Variants in TBC1D32 observed in about 807,000 individuals in gnomAD.
TBC1D32 encodes protein broad-minded.
In TBC1D32, 151 loss-of-function variants were observed where a neutral mutation model predicts 170.3. That is an observed-to-expected ratio of 0.89 (90% CI 0.78 to 1.01). The LOEUF (loss-of-function observed/expected upper bound fraction) is 1.01. TBC1D32 is among the 50% of genes least tolerant of loss of function. The pLI is 0.00. For synonymous variants in TBC1D32, 498 were observed against 488.0 expected (o/e 1.02, Z -0.27); for missense variants, 1,464 against 1,457.1 (o/e 1.00, Z -0.08).
chr6:121,275,281 G>T (rs931819489), intron 15 of TBC1D32, among the ~76,000 whole-genome samples: 3 of 152,058 alleles, frequency 2.0e-5, no homozygotes, highest in Non-Finnish European at 4.4e-5. Flanking sequence ...AAACACTAAA[G>T]AAAACATCAA....
chr6:121,278,845 A>G (rs1217731460), intron 15 of TBC1D32, among the ~76,000 whole-genome samples: 1 of 152,042 alleles, frequency 6.6e-6, no homozygotes, highest in Non-Finnish European at 1.5e-5. Flanking sequence ...AAAAATAGCT[A>G]GCTTCTTTGC....
At chr6:121,321,568 C>T (rs1206752355) in intron 2 of TBC1D32, 65 bp downstream of exon 2, 4 of 1,462,770 alleles carry the variant, frequency 2.7e-6, no homozygotes, top group African/African-American at 1.4e-5. Flanking sequence ...GGACAGAGAT[C>T]AGGGTGCTGT....
intron 30 of TBC1D32, among the ~76,000 whole-genome samples, chr6:121,100,827 G>C (rs1394980956): frequency 6.6e-6 from 1 of 151,934 alleles, no homozygotes; most frequent in East Asian, 1.9e-4. Flanking sequence ...CAACAAGATT[G>C]ATAGACTGCT....
At chr6:121,268,548 G>C (rs1432010200) in intron 15 of TBC1D32, among the ~76,000 whole-genome samples, 1 of 152,144 alleles carries the variant, frequency 6.6e-6, no homozygotes, top group Non-Finnish European at 1.5e-5. Flanking sequence ...TACGCAAGAA[G>C]AGAAGTTTAG....
At position 121,313,105 on chromosome 6, in the gene TBC1D32, G is replaced by GGTGT. The variant is rs71018125; in HGVS notation, c.496-2262_496-2259dup. Among the ~76,000 whole-genome samples, 651 of 111,220 alleles carry GGTGT rather than the reference G, an allele frequency of 5.9e-3. 11 individuals are homozygous for GGTGT. The highest frequency in any genetic ancestry group is 0.013 in the African/African-American group (366 of 27,244). 73.0% of individuals were successfully genotyped at this position (111,220 alleles called of 152,430 possible). A position where few individuals can be genotyped will look rare whatever the true frequency, so the allele number is the denominator to read the frequency against. On this transcript the variant is annotated intron_variant, in intron 3 of 31. Coordinates refer to ENST00000398212, the MANE Select transcript of TBC1D32 (RefSeq NM_152730.6). ...ACACAATGCCATGCCAAGCTAAGGT[G>GGTGT]GTGTGTGTGTGTGTGTGTGTGTGTG... is the stretch of plus-strand genomic sequence containing the variant.
In TBC1D32 at chr6:121,286,034, G is replaced by T. The variant is rs549380538; in HGVS notation, c.1373-2124C>A. On this transcript the variant is annotated intron_variant, in intron 12 of 31. Transcript: ENST00000398212. ...AAAGGTAGATAAAACCACAAAGATG[G>T]GGAAAAAACAGAGGAGAAAAACTGG... Among the ~76,000 whole-genome samples, 430 of 152,178 alleles carry T rather than the reference G, an allele frequency of 2.8e-3. 3 individuals are homozygous for T. Among genetic ancestry groups the T allele is most frequent in the African/African-American group, 9.9e-3 (410 of 41,528 alleles).
At chr6:121,105,491 G>A (rs1778585791) in intron 30 of TBC1D32, among the ~76,000 whole-genome samples, 1 of 151,838 alleles carries the variant, frequency 6.6e-6, no homozygotes, top group Non-Finnish European at 1.5e-5. Flanking sequence ...AAGCAACAAT[G>A]CACACCTCCA....
intron 22 of TBC1D32, 143 bp downstream of exon 22, chr6:121,204,932 T>C: frequency 2.1e-6 from 1 of 478,382 alleles, no homozygotes; most frequent in Non-Finnish European, 3.7e-6. Context: ...ACTTTGTTTA[T>C]AATGTTACAG....
In TBC1D32 at chr6:121,298,179, G is replaced by A. The variant is rs150354493; in HGVS notation, c.1140+1267C>T. ...AAAATGAATAATATTTTGATATTTT[G>A]TAAATGTAGGAAAGCTTTTTAGTGC... On this transcript the variant is annotated intron_variant, in intron 10 of 31. Transcript: ENST00000398212. 8.5e-5 allele frequency among the ~76,000 whole-genome samples: 13 copies of A among 152,094 alleles called. No homozygotes were observed. The East Asian group carries it at 2.3e-3, about 27-fold the overall frequency.
At chr6:121,210,171 G>A (rs1422209705) in intron 21 of TBC1D32, among the ~76,000 whole-genome samples, 1 of 152,064 alleles carries the variant, frequency 6.6e-6, no homozygotes, top group African/African-American at 2.4e-5. Flanking sequence ...ATCCCTAAAA[G>A]CTAAAGAATC....
At chr6:121,286,724 A>G (rs1803905755) in intron 12 of TBC1D32, among the ~76,000 whole-genome samples, 1 of 152,214 alleles carries the variant, frequency 6.6e-6, no homozygotes, top group Non-Finnish European at 1.5e-5. Flanking sequence ...GTTCAAATGA[A>G]GGAAAAAATG....
At chr6:121,125,632 G>A (rs953616) in intron 26 of TBC1D32, among the ~76,000 whole-genome samples, 41,315 of 151,994 alleles carry the variant, frequency 0.27, 8,542 homozygotes, top group African/African-American at 0.57. Flanking sequence ...TATCATGCTG[G>A]CTCAGATGTG....
intron 24 of TBC1D32, among the ~76,000 whole-genome samples, chr6:121,147,027 T>A (rs1297968336): frequency 1.3e-5 from 2 of 152,094 alleles, no homozygotes; most frequent in Admixed American, 6.6e-5. Context: ...TCTTTATGTG[T>A]ATGTGTTTTC....
intron 24 of TBC1D32, among the ~76,000 whole-genome samples, chr6:121,132,973 A>C (rs546032012): frequency 6.6e-6 from 1 of 152,074 alleles, no homozygotes; most frequent in East Asian, 1.9e-4. Context: ...AAATGGGAGA[A>C]CCAGTAGCCA....
In TBC1D32 at chr6:121,299,470, AAGTCTTAAT is replaced by A. The variant is rs1171989816; in HGVS notation, c.1107_1115del (p.Arg371_Leu373del). The A allele has an allele frequency of 2.0e-5, 30 of 1,510,416 alleles. No homozygotes were observed. The Admixed American group carries it at 5.1e-4, about 26-fold the overall frequency. 93.6% of individuals were successfully genotyped at this position (1,510,416 alleles called of 1,614,324 possible). A position where few individuals can be genotyped will look rare whatever the true frequency, so the allele number is the denominator to read the frequency against. Reference sequence around the variant, plus strand: ...CCAGAGACTTATATTTCGTTTCAAGAAGTCTTAATACTGTAGTTCTGCTATAATGTGCAT... The same window carrying A: ...CCAGAGACTTATATTTCGTTTCAAGAACTGTAGTTCTGCTATAATGTGCAT... On this transcript the variant is annotated inframe_deletion, in exon 10 of 32. Transcript: ENST00000398212.
At chr6:121,162,470 G>A (rs956898947) in intron 22 of TBC1D32, among the ~76,000 whole-genome samples, 1 of 152,142 alleles carries the variant, frequency 6.6e-6, no homozygotes, top group Non-Finnish European at 1.5e-5. Context: ...AAAGCTGTGA[G>A]CATTAGCCTT....
At chr6:121,121,301 A>G (rs2128207081) in intron 26 of TBC1D32, among the ~76,000 whole-genome samples, 1 of 152,134 alleles carries the variant, frequency 6.6e-6, no homozygotes, top group South Asian at 2.1e-4. Flanking sequence ...CAACAGGAGC[A>G]AAAATTTAGT....
At chr6:121,173,725 G>A (rs905026) in intron 22 of TBC1D32, among the ~76,000 whole-genome samples, 7,849 of 151,990 alleles carry the variant, frequency 0.052, 695 homozygotes, top group African/African-American at 0.18. Context: ...TACCAGGGGA[G>A]GGGAGAGGAT....
intron 1 of TBC1D32, among the ~76,000 whole-genome samples, chr6:121,330,733 G>C (rs370840147): frequency 6.6e-6 from 1 of 152,110 alleles, no homozygotes; most frequent in Non-Finnish European, 1.5e-5. Flanking sequence ...CTGTGGTGGG[G>C]ACTAAGCATC....
Sources: gnomAD v4.1 joint callset for allele counts (sites outside exome capture counted in the v4.1 genomes callset) on GRCh38, gnomAD v4.1.1 for gene constraint, MANE v1.5 for transcripts, NCBI Gene and HGNC (gene_info 2026-07-23, HGNC 2026-07-21) for gene names.